MYO16: variants seen among roughly 807,000 people sequenced by gnomAD.
MYO16 encodes the protein unconventional myosin-XVI.
In MYO16, 94 loss-of-function variants were observed where a neutral mutation model predicts 205.3. The ratio of observed to expected loss-of-function variants is 0.46; its 90% CI spans 0.39 to 0.54. The LOEUF is 0.54. Among genes scored for constraint, MYO16 ranks in the 20% least tolerant of loss-of-function variants. The pLI, the probability that MYO16 is intolerant of heterozygous loss-of-function variation, is 0.00. For synonymous variants in MYO16, 988 were observed against 954.0 expected, an observed-to-expected ratio of 1.04 and a Z score of -0.66; for missense variants, 2,315 against 2,387.5, an observed-to-expected ratio of 0.97 and a Z score of 0.63.
At chr13:108,968,255 G>T (rs960212340) in intron 20 of MYO16, among the ~76,000 whole-genome samples, 1 of 152,050 alleles carries the variant, frequency 6.6e-6, no homozygotes, top group African/African-American at 2.4e-5. Flanking sequence ...TTCGATGAGG[G>T]GGGGATTACT....
At chr13:108,983,052 T>C (rs926421811) in intron 20 of MYO16, among the ~76,000 whole-genome samples, 2 of 152,162 alleles carry the variant, frequency 1.3e-5, no homozygotes, top group Non-Finnish European at 2.9e-5. Flanking sequence ...GCCAGTAATA[T>C]TTGAACATTT....
At chr13:108,585,792 C>A in the MYO16 span, among the ~76,000 whole-genome samples, 2 of 152,098 alleles carry the variant, frequency 1.3e-5, no homozygotes, top group African/African-American at 4.8e-5. Flanking sequence ...TGACATGACT[C>A]CCTAGACCCC....
chr13:109,138,873 A>C lies in MYO16; in HGVS notation c.4052-1391A>C, dbSNP rs149870221. The stretch of plus-strand genomic sequence containing the variant: ...TCACTCTGTCGCCAGGCTGGAGTGC[A>C]GTGGTGCAATCTCAGTTCACTGCAT... On this transcript the variant is annotated intron_variant, in intron 31 of 34. Coordinates refer to ENST00000457511, the MANE Select transcript of MYO16 (RefSeq NM_001198950.3). Among the ~76,000 whole-genome samples, 838 of 152,194 alleles carry C rather than the reference A, an allele frequency of 5.5e-3. 13 individuals are homozygous for C. Among genetic ancestry groups the C allele is most frequent in the African/African-American group, 0.019 (793 of 41,522 alleles).
the MYO16 span, among the ~76,000 whole-genome samples, chr13:108,536,266 G>A: frequency 1.3e-5 from 2 of 152,148 alleles, no homozygotes; most frequent in African/African-American, 4.8e-5. Context: ...TAGTCAGAGA[G>A]CTACAGATTT....
chr13:109,054,353 G>A (rs760581644), intron 25 of MYO16: 5 of 364,572 alleles, frequency 1.4e-5, no homozygotes, highest in Non-Finnish European at 2.7e-5. Flanking sequence ...ACGAGGAAGA[G>A]GAGGAAAGGG....
At chr13:108,647,336 T>C (rs1243051393) in intron 1 of MYO16, among the ~76,000 whole-genome samples, 1 of 152,210 alleles carries the variant, frequency 6.6e-6, no homozygotes, top group African/African-American at 2.4e-5. Flanking sequence ...CTCTATGAGC[T>C]GCTCTAGAAG....
Position 108,709,916 on chromosome 13 carries a change from C to T in MYO16, c.293-2745C>T, listed in dbSNP as rs977727075. Among the ~76,000 whole-genome samples, 5 of 134,376 alleles carry T rather than the reference C, an allele frequency of 3.7e-5. 1 individual carries two copies. The highest frequency in any genetic ancestry group is 1.4e-4 in the African/African-American group (5 of 36,140). 88.2% of individuals were successfully genotyped at this position (134,376 alleles called of 152,430 possible). A position where few individuals can be genotyped will look rare whatever the true frequency, so the allele number is the denominator to read the frequency against. ...CCATCTTGATCATGCAAACAGCCCT[C>T]TCAAAAAAACTGTCCTATCTAGGAC... On this transcript the variant is annotated intron_variant, in intron 2 of 34. Coordinates refer to ENST00000457511, the MANE Select transcript of MYO16 (RefSeq NM_001198950.3).
intron 1 of MYO16, among the ~76,000 whole-genome samples, chr13:108,632,837 G>A (rs74117291): frequency 1.7e-3 from 256 of 152,196 alleles, no homozygotes; most frequent in African/African-American, 5.7e-3. Context: ...CAGCTGAGGC[G>A]CAAGCAGAAA....
At chr13:108,948,012 T>C (rs990525115) in intron 16 of MYO16, among the ~76,000 whole-genome samples, 2 of 152,256 alleles carry the variant, frequency 1.3e-5, no homozygotes, top group Non-Finnish European at 2.9e-5. Flanking sequence ...GAGACTTGTG[T>C]ATCTGAACGC....
At chr13:108,876,167 A>C (rs1266523782) in intron 12 of MYO16, among the ~76,000 whole-genome samples, 3 of 152,208 alleles carry the variant, frequency 2.0e-5, no homozygotes, top group African/African-American at 7.2e-5. Context: ...CTATCATTTA[A>C]TTATTCTTAA....
At chr13:109,021,363 A>G (rs768581636) in intron 23 of MYO16, among the ~76,000 whole-genome samples, 1 of 152,166 alleles carries the variant, frequency 6.6e-6, no homozygotes, top group Non-Finnish European at 1.5e-5. Context: ...TCCCACCTGC[A>G]CAAGTAGCGT....
At chr13:108,981,801 C>T (rs1222669117) in intron 20 of MYO16, among the ~76,000 whole-genome samples, 1 of 152,208 alleles carries the variant, frequency 6.6e-6, no homozygotes, top group Non-Finnish European at 1.5e-5. Context: ...TGCTACAAGT[C>T]TCTAATTCAA....
the MYO16 span, among the ~76,000 whole-genome samples, chr13:108,583,353 G>A: frequency 6.6e-6 from 1 of 152,132 alleles, no homozygotes; most frequent in East Asian, 1.9e-4. Context: ...CATTATCCAC[G>A]CAGAATTCCT....
At chr13:108,862,235 A>G (rs1052930553) in intron 11 of MYO16, among the ~76,000 whole-genome samples, 7 of 152,148 alleles carry the variant, frequency 4.6e-5, no homozygotes, top group African/African-American at 7.2e-5. Context: ...CTGAATGTTA[A>G]AATCCTGAAA....
intron 2 of MYO16, among the ~76,000 whole-genome samples, chr13:108,674,327 G>C (rs1344577075): frequency 6.6e-6 from 1 of 152,136 alleles, no homozygotes; most frequent in African/African-American, 2.4e-5. Context: ...CACAGTAGTT[G>C]GTTATCAAGT....
Position 108,601,878 on chromosome 13 carries a change from G to C in MYO16, c.-39+5639G>C, listed in dbSNP as rs996951484. Among the ~76,000 whole-genome samples the C allele has an allele frequency of 2.0e-5, 3 of 152,150 alleles. No homozygotes were observed. In the East Asian group the frequency reaches 5.8e-4, roughly 29 times the overall value. On this transcript the variant is annotated intron_variant, in intron 1 of 24. Coordinates refer to the MYO16 transcript ENST00000251041. ...TCTCAATTTGGGAGAGTGTGACTTT[G>C]AAATTGGTGCTCTCAATTCTTTCAA...
intron 20 of MYO16, among the ~76,000 whole-genome samples, chr13:108,974,776 G>A (rs1224353909): frequency 6.6e-6 from 1 of 152,108 alleles, no homozygotes; most frequent in Non-Finnish European, 1.5e-5. Flanking sequence ...TATTTTTAAT[G>A]GATTTGATTT....
chr13:108,684,737 G>A (rs1044252650), intron 2 of MYO16, among the ~76,000 whole-genome samples: 5 of 152,112 alleles, frequency 3.3e-5, no homozygotes, highest in South Asian at 2.1e-4. Flanking sequence ...GTTAATAAGC[G>A]AACATGCCTA....
At chr13:108,897,403 A>G (rs1880476361) in intron 14 of MYO16, among the ~76,000 whole-genome samples, 1 of 152,224 alleles carries the variant, frequency 6.6e-6, no homozygotes, top group South Asian at 2.1e-4. Flanking sequence ...CCAGTCTGCA[A>G]CAAAGCACAG....
Sources: allele counts gnomAD v4.1 joint callset (sites outside exome capture counted in the v4.1 genomes callset), GRCh38; gene constraint gnomAD v4.1.1; transcripts MANE v1.5; gene names NCBI Gene and HGNC (gene_info 2026-07-23, HGNC 2026-07-21).